Variants in CDKL4 observed in about 807,000 individuals in gnomAD.
CDKL4 encodes the protein cyclin-dependent kinase-like 4.
Under a neutral mutation model 42.0 loss-of-function variants are expected in CDKL4, and 44 were observed. The ratio of observed to expected loss-of-function variants is 1.05; its 90% CI spans 0.82 to 1.35. The LOEUF (loss-of-function observed/expected upper bound fraction) is 1.35, where lower values mean the gene tolerates loss of function less well. Among genes scored for constraint, CDKL4 ranks in the 40% most tolerant of loss-of-function variants. CDKL4 has a pLI of 0.00. For missense variants in CDKL4, 393 were observed against 369.9 expected (o/e 1.06, Z -0.51); for synonymous variants, 120 against 121.6 (o/e 0.99, Z 0.09).
chr2:39,211,022 G>C (rs1376503178), intron 4 of CDKL4, among the ~76,000 whole-genome samples: 1 of 152,098 alleles, frequency 6.6e-6, no homozygotes. Context: ...CATTCTGCTG[G>C]CATCAAAACT....
chr2:39,210,164 T>C (rs965898151), intron 4 of CDKL4, among the ~76,000 whole-genome samples: 1 of 152,150 alleles, frequency 6.6e-6, no homozygotes, highest in Non-Finnish European at 1.5e-5. Context: ...CTAATTTTTG[T>C]ATTTTTAGTA....
chr2:39,205,305 A>G (rs1677094746), intron 4 of CDKL4, among the ~76,000 whole-genome samples: 1 of 152,258 alleles, frequency 6.6e-6, no homozygotes, highest in Non-Finnish European at 1.5e-5. Context: ...ACTTAAGAGT[A>G]CCTCTAATAA....
At chr2:39,183,734 G>T (rs993714443) in intron 8 of CDKL4, among the ~76,000 whole-genome samples, 1 of 152,210 alleles carries the variant, frequency 6.6e-6, no homozygotes, top group Non-Finnish European at 1.5e-5. Flanking sequence ...GGTGAAAGCA[G>T]ATCTGGGCAG....
At chr2:39,194,406 G>T (rs1333115245) in intron 5 of CDKL4, among the ~76,000 whole-genome samples, 1 of 152,198 alleles carries the variant, frequency 6.6e-6, no homozygotes, top group Non-Finnish European at 1.5e-5. Context: ...CCCTGGAAGT[G>T]GAGGTTGCAA....
At chr2:39,178,339 GA>G (rs1464562349) in intron 9 of CDKL4, among the ~76,000 whole-genome samples, 1 of 152,204 alleles carries the variant, frequency 6.6e-6, no homozygotes, top group Non-Finnish European at 1.5e-5. Context: ...TTAGATTGAA[GA>G]TGAAAGATTA....
intron 8 of CDKL4, among the ~76,000 whole-genome samples, chr2:39,181,860 CCTGAAAAAGCAATACAGCCA>C (rs1002298851): frequency 1.3e-5 from 2 of 152,190 alleles, no homozygotes; most frequent in African/African-American, 2.4e-5. Flanking sequence ...CCTGCCAATA[CCTGAAAAAGCAATACAGCCA>C]CTGTACCCTT....
chr2:39,241,277 AAAAAG>A (rs1188364197), intron 1 of CDKL4, among the ~76,000 whole-genome samples: 5 of 152,236 alleles, frequency 3.3e-5, no homozygotes, highest in Non-Finnish European at 7.3e-5. Flanking sequence ...TATACACACT[AAAAAG>A]AAAACGATAA....
exon 2 of CDKL4, chr2:39,229,456 G>C (rs1473137629): frequency 1.2e-6 from 2 of 1,613,510 alleles, no homozygotes; most frequent in South Asian, 1.1e-5. Flanking sequence ...TACTTGTCCA[G>C]AGGTTTTGTT....
chr2:39,225,050 C>G (rs1279695876), intron 3 of CDKL4, among the ~76,000 whole-genome samples: 4 of 152,106 alleles, frequency 2.6e-5, no homozygotes, highest in Non-Finnish European at 5.9e-5. Context: ...ATAGTGGTGA[C>G]AGCTGACATC....
In CDKL4 at chr2:39,223,577, T is replaced by TTC. The variant is rs202029787; in HGVS notation, c.290+2260_290+2261dup. ...TTTCTTAGATGTACTGGTCATTTCC[T>TTC]TCTCTTTTTTTTTTTTTTTGAAGAC... On this transcript the variant is annotated intron_variant, in intron 3 of 9. Coordinates refer to ENST00000451199, the Ensembl canonical transcript of CDKL4. Among the ~76,000 whole-genome samples the TTC allele has an allele frequency of 4.0e-3, 582 of 147,166 alleles. 8 individuals carry two copies. The highest frequency in any genetic ancestry group is 0.017 in the East Asian group (83 of 5,012).
chr2:39,243,517 C>T (rs1679766514), intron 1 of CDKL4, among the ~76,000 whole-genome samples: 1 of 152,272 alleles, frequency 6.6e-6, no homozygotes, highest in Non-Finnish European at 1.5e-5. Context: ...GCAAGTCAAG[C>T]ACAAATCCAC....
chr2:39,172,908 A>G (rs2148271821), downstream of CDKL4, among the ~76,000 whole-genome samples: 1 of 152,224 alleles, frequency 6.6e-6, no homozygotes, highest in South Asian at 2.1e-4. Flanking sequence ...TGGTAATATG[A>G]CTATATTAGA....
intron 2 of CDKL4, 125 bp from the exon 3 acceptor site, chr2:39,226,085 G>T: frequency 1.1e-6 from 1 of 891,630 alleles, no homozygotes; most frequent in Non-Finnish European, 1.6e-6. Flanking sequence ...ATAATAAGTG[G>T]TAACAAAATT....
intron 4 of CDKL4, among the ~76,000 whole-genome samples, chr2:39,206,795 G>A (rs1354835067): frequency 6.6e-6 from 1 of 152,210 alleles, no homozygotes; most frequent in Non-Finnish European, 1.5e-5. Context: ...TGTCCATTAA[G>A]TGTCACAATA....
chr2:39,232,536 T>C (rs1372286721), intron 1 of CDKL4, among the ~76,000 whole-genome samples: 1 of 152,178 alleles, frequency 6.6e-6, no homozygotes, highest in Non-Finnish European at 1.5e-5. Context: ...CCATACCCAA[T>C]GTTCACAAAC....
chr2:39,219,434 T>TA (rs1553390823), intron 3 of CDKL4, among the ~76,000 whole-genome samples: 117 of 142,976 alleles, frequency 8.2e-4, no homozygotes, highest in Non-Finnish European at 1.4e-3. Context: ...TTTATTTATT[T>TA]TTTTGAGACA....
At chr2:39,244,355 G>A (rs1679815113), upstream of CDKL4, among the ~76,000 whole-genome samples, 1 of 152,232 alleles carries the variant, frequency 6.6e-6, no homozygotes, top group Non-Finnish European at 1.5e-5. Context: ...GGCTTGGCGG[G>A]CCCCGCACTC....
chr2:39,227,123 A>G (rs1678796577), intron 2 of CDKL4, among the ~76,000 whole-genome samples: 1 of 152,212 alleles, frequency 6.6e-6, no homozygotes, highest in African/African-American at 2.4e-5. Context: ...TGAACCAGGC[A>G]GGACACTGGG....
At chr2:39,194,245 C>T (rs1676374020) in intron 5 of CDKL4, among the ~76,000 whole-genome samples, 1 of 152,060 alleles carries the variant, frequency 6.6e-6, no homozygotes, top group Non-Finnish European at 1.5e-5. Context: ...TCACTTGAGG[C>T]CAGAAGTTCG....
Sources: allele counts gnomAD v4.1 joint callset (sites outside exome capture counted in the v4.1 genomes callset), GRCh38; gene constraint gnomAD v4.1.1; transcripts MANE v1.5; gene names NCBI Gene and HGNC (gene_info 2026-07-23, HGNC 2026-07-21).